Variants in CBLB observed in about 807,000 individuals in gnomAD.
CBLB encodes the protein E3 ubiquitin-protein ligase CBL-B.
Under a neutral mutation model 104.9 loss-of-function variants are expected in CBLB, and 31 were observed. The ratio of observed to expected loss-of-function variants is 0.30; its 90% CI spans 0.22 to 0.40. The LOEUF (loss-of-function observed/expected upper bound fraction) is 0.40. CBLB is among the 10% of genes least tolerant of loss of function. The pLI, the probability that CBLB is intolerant of heterozygous loss-of-function variation, is 1.00. For missense variants in CBLB, 1,062 were observed against 1,214.6 expected (o/e 0.87, Z 1.87); for synonymous variants, 440 against 422.6 (o/e 1.04, Z -0.51).
intron 4 of CBLB, among the ~76,000 whole-genome samples, chr3:105,752,078 G>A (rs1321950993): frequency 6.6e-6 from 1 of 152,042 alleles, no homozygotes; most frequent in African/African-American, 2.4e-5. Flanking sequence ...ATTCAAGAAG[G>A]CTAAGGTAGA....
intron 3 of CBLB, among the ~76,000 whole-genome samples, chr3:105,801,083 T>C (rs34351317): frequency 0.033 from 5,062 of 152,254 alleles, 130 homozygotes; most frequent in Non-Finnish European, 0.051. Flanking sequence ...ACTGTTTTTT[T>C]CTTAATCGCT....
rs556926786 is a variant in CBLB, at chr3:105,777,001, T to C, written c.420-459A>G. Among the ~76,000 whole-genome samples the C allele has an allele frequency of 6.6e-5, 10 of 152,226 alleles. No homozygotes were observed. In the South Asian group the frequency reaches 2.1e-3, roughly 32 times the overall value. ...ACCTGGAGAGGAGAGAAAGGGAGGA[T>C]GCAGAGGGAAGTAAAAGGTATTTCA... On this transcript the variant is annotated intron_variant, in intron 3 of 18. Coordinates refer to ENST00000394030, the MANE Select transcript of CBLB (RefSeq NM_170662.5).
At chr3:105,681,439 G>T (rs771031926) in intron 16 of CBLB, 40 bp downstream of exon 16, 1 of 1,599,972 alleles carries the variant, frequency 6.3e-7, no homozygotes, top group African/African-American at 1.3e-5. Context: ...ATTAAAAGAA[G>T]GAGGGGTGGG....
chr3:105,666,043 A>G (rs1186984378), intron 18 of CBLB, among the ~76,000 whole-genome samples: 1 of 151,796 alleles, frequency 6.6e-6, no homozygotes, highest in Non-Finnish European at 1.5e-5. Flanking sequence ...AAAAAATTAT[A>G]TATCTGTCTC....
intron 3 of CBLB, among the ~76,000 whole-genome samples, chr3:105,781,895 C>T (rs1049110260): frequency 6.6e-6 from 1 of 152,042 alleles, no homozygotes; most frequent in African/African-American, 2.4e-5. Flanking sequence ...CAAGGTGAAA[C>T]AAACTCAATA....
chr3:105,665,414 TAA>T (rs371341215), intron 18 of CBLB, among the ~76,000 whole-genome samples: 32,732 of 107,866 alleles, frequency 0.3, 4,948 homozygotes, highest in East Asian at 0.41. Context: ...AATAAATAAA[TAA>T]ATATATATAT....
intron 3 of CBLB, among the ~76,000 whole-genome samples, chr3:105,798,863 G>T (rs563968341): frequency 6.6e-6 from 1 of 152,318 alleles, no homozygotes. Flanking sequence ...ATATGTGTGT[G>T]AGACAGAGGG....
chr3:105,749,093 G>A (rs2076373627), intron 5 of CBLB, among the ~76,000 whole-genome samples: 1 of 152,036 alleles, frequency 6.6e-6, no homozygotes, highest in Admixed American at 6.6e-5. Context: ...AATTTTTAAA[G>A]TTTTATAAAA....
At chr3:105,746,714 A>T (rs1188893420) in intron 5 of CBLB, among the ~76,000 whole-genome samples, 1 of 152,214 alleles carries the variant, frequency 6.6e-6, no homozygotes, top group Non-Finnish European at 1.5e-5. Context: ...AACTGTTAAC[A>T]ACTGCTTCAT....
At chr3:105,862,038 C>A (rs1488838475) in intron 2 of CBLB, among the ~76,000 whole-genome samples, 1 of 152,122 alleles carries the variant, frequency 6.6e-6, no homozygotes. Context: ...TTCTACCTTT[C>A]TCATCACTAA....
rs981361582 is a variant in CBLB at position 105,693,649 on chromosome 3, T to C, written c.1960-61A>G. 2.3e-5 allele frequency: 24 copies of C among 1,042,592 alleles called. No individual in the cohort carries two copies. In the African/African-American group the frequency reaches 2.7e-4, roughly 12 times the overall value. 64.6% of individuals were successfully genotyped at this position (1,042,592 alleles called of 1,614,324 possible). ...TAACTTCTGAAGGACCTTAAAGCCATAGCTGCTCTACCATTCTGAAGACAA... is the reference window on the plus strand; with the variant it reads ...TAACTTCTGAAGGACCTTAAAGCCACAGCTGCTCTACCATTCTGAAGACAA... On this transcript the variant is annotated intron_variant, in intron 12 of 18. Transcript: ENST00000394030.
intron 5 of CBLB, among the ~76,000 whole-genome samples, chr3:105,747,087 G>C (rs2076172191): frequency 6.6e-6 from 1 of 152,118 alleles, no homozygotes. Flanking sequence ...AATCTGATTA[G>C]TTGTCTCTCC....
intron 2 of CBLB, among the ~76,000 whole-genome samples, chr3:105,856,716 T>G (rs1193228355): frequency 6.6e-6 from 1 of 152,202 alleles, no homozygotes; most frequent in Non-Finnish European, 1.5e-5. Context: ...AATAGTATTT[T>G]TATCTCCAAG....
intron 4 of CBLB, 56 bp from the exon 5 acceptor site, chr3:105,751,674 C>T: frequency 7.3e-6 from 10 of 1,378,278 alleles, no homozygotes; most frequent in Non-Finnish European, 1.0e-5. Flanking sequence ...TTAAGAAATA[C>T]CTCCCTTTGA....
rs34896633 is a variant in CBLB at position 105,698,605 on chromosome 3, C to CAAAAAAAAAAA, written c.1959+3478_1959+3488dup. Among the ~76,000 whole-genome samples the CAAAAAAAAAAA allele has an allele frequency of 2.5e-5, 2 of 80,818 alleles. 1 individual carries two copies. The highest frequency in any genetic ancestry group is 4.8e-5 in the Non-Finnish European group (2 of 41,954). 53.0% of individuals were successfully genotyped at this position (80,818 alleles called of 152,430 possible). On this transcript the variant is annotated intron_variant, in intron 12 of 18. Coordinates refer to ENST00000394030, the MANE Select transcript of CBLB (RefSeq NM_170662.5). ...TAAGCGGCAGTTTTTACCATTTGAC[C>CAAAAAAAAAAA]AAAAAAAAAAAAAAAAAAAAAGCGC...
At chr3:105,764,281 A>G (rs2077981161) in intron 4 of CBLB, among the ~76,000 whole-genome samples, 1 of 152,198 alleles carries the variant, frequency 6.6e-6, no homozygotes, top group Non-Finnish European at 1.5e-5. Context: ...CCAGGTATAT[A>G]ATATAAATTA....
rs1022115747 is a variant in CBLB at position 105,712,312 on chromosome 3, A to G, written c.1407+7735T>C. On this transcript the variant is annotated intron_variant, in intron 10 of 18. Transcript: ENST00000394030. ...AGCTACCCTCAAATCTTGTAGCAAA[A>G]TGTAAGCTTTTAGAAATGTGTCATG... Among the ~76,000 whole-genome samples, 4 of 152,162 alleles carry G rather than the reference A, an allele frequency of 2.6e-5. No homozygotes were observed. In the East Asian group the frequency reaches 5.8e-4, roughly 22 times the overall value.
At chr3:105,789,833 GT>G (rs1560251287) in intron 3 of CBLB, among the ~76,000 whole-genome samples, 1 of 152,088 alleles carries the variant, frequency 6.6e-6, no homozygotes, top group Admixed American at 6.5e-5. Flanking sequence ...TGGGGTCTCT[GT>G]TTAAAAGTCA....
chr3:105,810,708 T>C lies in CBLB; in HGVS notation c.420-34166A>G, dbSNP rs543412327. ...TTCTATAATTATAAAAAGTAGGAAATATTACATATAATTATTTGCAAGACA... is the reference window on the plus strand; with the variant it reads ...TTCTATAATTATAAAAAGTAGGAAACATTACATATAATTATTTGCAAGACA... On this transcript the variant is annotated intron_variant, in intron 3 of 18. Coordinates refer to ENST00000394030, the MANE Select transcript of CBLB (RefSeq NM_170662.5). Among the ~76,000 whole-genome samples the C allele has an allele frequency of 2.0e-5, 3 of 152,244 alleles. No individual in the cohort carries two copies. The East Asian group carries it at 5.8e-4, about 29-fold the overall frequency.
Sources: gnomAD v4.1 joint callset for allele counts (sites outside exome capture counted in the v4.1 genomes callset) on GRCh38, gnomAD v4.1.1 for gene constraint, MANE v1.5 for transcripts, NCBI Gene and HGNC (gene_info 2026-07-23, HGNC 2026-07-21) for gene names.